Variants in TTC8 observed in about 807,000 individuals in gnomAD.
TTC8 encodes tetratricopeptide repeat protein 8.
Under a neutral mutation model 72.5 loss-of-function variants are expected in TTC8, and 47 were observed. The ratio of observed to expected loss-of-function variants is 0.65; its 90% CI spans 0.51 to 0.83. TTC8 has a LOEUF of 0.83. Ranked by LOEUF, TTC8 falls within the 40% of genes least tolerant of loss-of-function variation. The pLI is 0.00. For synonymous variants in TTC8, 199 were observed against 221.4 expected, an observed-to-expected ratio of 0.90 and a Z score of 0.90; for missense variants, 611 against 623.2, an observed-to-expected ratio of 0.98 and a Z score of 0.21.
chr14:88,833,854 A>G (rs2094737808), intron 2 of TTC8, 132 bp downstream of exon 2: 3 of 768,490 alleles, frequency 3.9e-6, no homozygotes, highest in Non-Finnish European at 6.9e-6. Flanking sequence ...TCTGTCAGAC[A>G]TTCTGTGCCT....
At chr14:88,849,757 T>G (rs2094825184) in intron 7 of TTC8, among the ~76,000 whole-genome samples, 2 of 152,146 alleles carry the variant, frequency 1.3e-5, no homozygotes, top group African/African-American at 4.8e-5. Flanking sequence ...GCAGTGGTAT[T>G]TAAATGTTAG....
At chr14:88,846,093 G>T (rs2094805176) in intron 7 of TTC8, among the ~76,000 whole-genome samples, 1 of 152,096 alleles carries the variant, frequency 6.6e-6, no homozygotes, top group African/African-American at 2.4e-5. Context: ...TATCACTGGA[G>T]CCCAGGGGTT....
intron 8 of TTC8, among the ~76,000 whole-genome samples, chr14:88,855,114 A>G (rs376586341): frequency 2.0e-5 from 3 of 152,156 alleles, no homozygotes; most frequent in East Asian, 3.8e-4. Flanking sequence ...TCTTCCCTCC[A>G]CATCTGGCTG....
chr14:88,868,301 A>AT (rs1342877422), intron 10 of TTC8, among the ~76,000 whole-genome samples: 2 of 152,216 alleles, frequency 1.3e-5, no homozygotes, highest in African/African-American at 4.8e-5. Flanking sequence ...TAATAAGTAA[A>AT]TGTTTAAAGA....
intron 10 of TTC8, 59 bp downstream of exon 10, chr14:88,861,391 T>A: frequency 7.7e-7 from 1 of 1,292,214 alleles, no homozygotes; most frequent in Non-Finnish European, 1.1e-6. Flanking sequence ...CATATTTTTG[T>A]GGTACATGTG....
At chr14:88,841,302 A>G (rs2094780197) in intron 5 of TTC8, 106 bp downstream of exon 5, 3 of 1,585,274 alleles carry the variant, frequency 1.9e-6, no homozygotes, top group Middle Eastern at 1.7e-4. Flanking sequence ...GGAGAATTAT[A>G]TGGAAGATTT....
intron 2 of TTC8, chr14:88,837,114 A>G: frequency 4.5e-6 from 1 of 220,636 alleles, no homozygotes; most frequent in Non-Finnish European, 9.4e-6. Context: ...AGGACTCCAA[A>G]TCATAGTTCT....
At chr14:88,828,471 G>C (rs2094711730) in intron 1 of TTC8, among the ~76,000 whole-genome samples, 2 of 152,094 alleles carry the variant, frequency 1.3e-5, no homozygotes, top group South Asian at 4.1e-4. Flanking sequence ...ATAACTATTT[G>C]AATTACTGTT....
At chr14:88,858,662 C>T (rs1309246622) in intron 9 of TTC8, among the ~76,000 whole-genome samples, 5 of 151,440 alleles carry the variant, frequency 3.3e-5, no homozygotes, top group Non-Finnish European at 5.9e-5. Flanking sequence ...GCCATTATCA[C>T]GGCTCACTGC....
At chr14:88,829,999 T>G (rs965269601) in intron 1 of TTC8, among the ~76,000 whole-genome samples, 2 of 152,188 alleles carry the variant, frequency 1.3e-5, no homozygotes, top group African/African-American at 4.8e-5. Flanking sequence ...ATTACACAGA[T>G]TACACTCCCA....
chr14:88,842,480 A>G (rs1290850696), intron 6 of TTC8, among the ~76,000 whole-genome samples: 2 of 152,224 alleles, frequency 1.3e-5, no homozygotes, highest in East Asian at 1.9e-4. Context: ...GTAAAATTGT[A>G]AAGCTATCCT....
chr14:88,832,598 G>C (rs73327385), intron 1 of TTC8, among the ~76,000 whole-genome samples: 3,669 of 152,092 alleles, frequency 0.024, 70 homozygotes, highest in South Asian at 0.089. Flanking sequence ...CTGTAAAGTA[G>C]ATAATACTTA....
At chr14:88,825,934 T>C (rs1209624401) in intron 1 of TTC8, among the ~76,000 whole-genome samples, 1 of 152,228 alleles carries the variant, frequency 6.6e-6, no homozygotes, top group African/African-American at 2.4e-5. Context: ...AATAGGACTA[T>C]ATTTCTGTAG....
chr14:88,869,977 A>G, intron 10 of TTC8, 82 bp from the exon 11 acceptor site: 2 of 1,404,562 alleles, frequency 1.4e-6, no homozygotes, highest in Non-Finnish European at 2.0e-6. Context: ...TTATTGAATG[A>G]ATGGACTTAA....
downstream of TTC8, chr14:88,880,150 C>T (rs542968683): frequency 4.6e-5 from 7 of 152,204 alleles, no homozygotes; most frequent in African/African-American, 1.7e-4. Context: ...AAAGCCATCA[C>T]CAAATAATTT....
chr14:88,839,081 T>G (rs2094767038), intron 2 of TTC8, among the ~76,000 whole-genome samples: 1 of 152,210 alleles, frequency 6.6e-6, no homozygotes, highest in Non-Finnish European at 1.5e-5. Context: ...ATAAAGGACT[T>G]GACCTTGAAG....
chr14:88,880,332 A>T (rs1201913524), downstream of TTC8: 1 of 152,250 alleles, frequency 6.6e-6, no homozygotes, highest in Non-Finnish European at 1.5e-5. Flanking sequence ...TTTTAGCTAA[A>T]TAAAAACAAC....
intron 10 of TTC8, among the ~76,000 whole-genome samples, chr14:88,864,670 G>A (rs1016498774): frequency 2.0e-5 from 3 of 152,308 alleles, no homozygotes; most frequent in Non-Finnish European, 2.9e-5. Context: ...TAGCTGTAGG[G>A]ACAATCATGC....
chr14:88,844,667 C>T (rs1375459939), intron 7 of TTC8, among the ~76,000 whole-genome samples: 1 of 151,926 alleles, frequency 6.6e-6, no homozygotes, highest in Non-Finnish European at 1.5e-5. Context: ...ATCTCAGCCT[C>T]CCAAGTAGCT....
Sources: gnomAD v4.1 joint callset for allele counts (sites outside exome capture counted in the v4.1 genomes callset) on GRCh38, gnomAD v4.1.1 for gene constraint, MANE v1.5 for transcripts, NCBI Gene and HGNC (gene_info 2026-07-23, HGNC 2026-07-21) for gene names.